The following RAD54L2 variants were observed in gnomAD, a reference collection of about 807,000 sequenced individuals.
RAD54L2 encodes the protein helicase ARIP4.
Under a neutral mutation model 138.4 loss-of-function variants are expected in RAD54L2, and 27 were observed. The observed-to-expected ratio is 0.20, with a 90% confidence interval of 0.14 to 0.27. The LOEUF is 0.27. RAD54L2 is among the 10% of genes least tolerant of loss of function. The pLI is 1.00. For synonymous variants in RAD54L2, 644 were observed against 723.2 expected (o/e 0.89, Z 1.76); for missense variants, 1,396 against 1,890.2 (o/e 0.74, Z 4.85).
rs74933324 is a variant in RAD54L2, at chr3:51,656,384, G to T, written c.3226+214G>T. Among the ~76,000 whole-genome samples the T allele has an allele frequency of 8.1e-3, 1,241 of 152,306 alleles. 10 individuals carry two copies. The highest frequency in any genetic ancestry group is 0.02 in the Middle Eastern group (6 of 294). ...AACAACACATAACTGGGTTTTCTTG[G>T]GTTTGGTGGGTGAGATAGACTCTGA... On this transcript the variant is annotated intron_variant, in intron 20 of 22. Transcript: ENST00000684192.
At chr3:51,576,835 G>A (rs1181334743) in intron 2 of RAD54L2, among the ~76,000 whole-genome samples, 2 of 151,680 alleles carry the variant, frequency 1.3e-5, no homozygotes, top group Admixed American at 6.6e-5. Flanking sequence ...AGGGTTTTTT[G>A]TGTCTCTATT....
chr3:51,560,797 C>A (rs1444864515), intron 2 of RAD54L2, among the ~76,000 whole-genome samples: 1 of 152,088 alleles, frequency 6.6e-6, no homozygotes, highest in Non-Finnish European at 1.5e-5. Flanking sequence ...GTGCTAAATA[C>A]TGAGCCAGGT....
chr3:51,591,570 CCT>C (rs1281586387), intron 3 of RAD54L2, among the ~76,000 whole-genome samples: 1 of 152,198 alleles, frequency 6.6e-6, no homozygotes, highest in Admixed American at 6.6e-5. Flanking sequence ...TGTCCAGAAG[CCT>C]CTCTCCATTT....
chr3:51,599,294 A>G (rs1175502775), intron 3 of RAD54L2, among the ~76,000 whole-genome samples: 1 of 152,154 alleles, frequency 6.6e-6, no homozygotes, highest in Non-Finnish European at 1.5e-5. Context: ...GAGAGAATAC[A>G]TCATGTGATT....
At chr3:51,660,255 GA>G (rs1701728072) in intron 22 of RAD54L2, 137 bp downstream of exon 22, 1 of 599,146 alleles carries the variant, frequency 1.7e-6, no homozygotes, top group Non-Finnish European at 2.8e-6. Context: ...GAGGTAAAGT[GA>G]AAAGTAAGTA....
intron 3 of RAD54L2, among the ~76,000 whole-genome samples, chr3:51,595,829 A>G (rs1427492331): frequency 6.6e-6 from 1 of 151,934 alleles, no homozygotes; most frequent in African/African-American, 2.4e-5. Context: ...TTGGGTGTTA[A>G]CACGTTTAGG....
intron 2 of RAD54L2, among the ~76,000 whole-genome samples, chr3:51,588,997 C>T (rs974928129): frequency 1.3e-5 from 2 of 152,114 alleles, no homozygotes; most frequent in Non-Finnish European, 2.9e-5. Context: ...CTAGCAGCTC[C>T]TCCTGCCACA....
At chr3:51,607,711 CGG>C (rs1700222188) in intron 3 of RAD54L2, among the ~76,000 whole-genome samples, 1 of 146,122 alleles carries the variant, frequency 6.8e-6, no homozygotes, top group Non-Finnish European at 1.5e-5. Context: ...ACCTCCCAGA[CGG>C]GGCGGCGGCC....
chr3:51,665,970 A>G lies in RAD54L2; in HGVS notation c.*2550A>G, dbSNP rs1701901372. On this transcript the variant is annotated 3_prime_UTR_variant, in exon 23 of 23. Coordinates refer to ENST00000684192, the MANE Select transcript of RAD54L2 (RefSeq NM_015106.4). ...GGCTTTTGAAGTTGACAGAAAGTAA[A>G]TGGGTATTCTGAGAGGCAGCACATG... 1 of 152,118 alleles carries G rather than the reference A, an allele frequency of 6.6e-6. No homozygotes were observed. The highest frequency in any genetic ancestry group is 2.1e-4 in the South Asian group (1 of 4,818). 9.4% of individuals were successfully genotyped at this position (152,118 alleles called of 1,614,324 possible).
rs375223018 is a variant in RAD54L2, at chr3:51,657,964, C to T, written c.3316+295C>T. On this transcript the variant is annotated intron_variant, in intron 21 of 22. Coordinates refer to ENST00000684192, the MANE Select transcript of RAD54L2 (RefSeq NM_015106.4). ...TTTTTGAGATGGAGTCTTGCTCTGT[C>T]GCCAGGCTGGAGTGCAGTTGCGTGA... Among the ~76,000 whole-genome samples the T allele has an allele frequency of 2.1e-3, 238 of 114,242 alleles. 5 individuals carry two copies. In the South Asian group the frequency reaches 0.068, roughly 32 times the overall value. 74.9% of individuals were successfully genotyped at this position (114,242 alleles called of 152,430 possible).
rs936942213 is a variant in RAD54L2, at chr3:51,668,422, G to C, written c.*5002G>C. On this transcript the variant is annotated 3_prime_UTR_variant, in exon 23 of 23. Transcript: ENST00000684192. The stretch of plus-strand genomic sequence containing the variant: ...AGGCCTGGGACCTGTGCCTGGCTTC[G>C]AGGAGCATCTGTGGCTGGGTGATCC... The C allele has an allele frequency of 1.3e-5, 2 of 152,188 alleles. No homozygotes were observed. Among genetic ancestry groups the C allele is most frequent in the Admixed American group, 6.5e-5 (1 of 15,288 alleles). 9.4% of individuals were successfully genotyped at this position (152,188 alleles called of 1,614,324 possible). A position where few individuals can be genotyped will look rare whatever the true frequency, so the allele number is the denominator to read the frequency against.
Position 51,657,563 on chromosome 3 carries a change from A to T in RAD54L2, c.3227-17A>T, listed in dbSNP as rs1217905170. On this transcript the variant is annotated splice_polypyrimidine_tract_variant and intron_variant, in intron 20 of 22. Coordinates refer to ENST00000684192, the MANE Select transcript of RAD54L2 (RefSeq NM_015106.4). ...AGGCCCCGTGCAATCTAAATTTAAGATCTGTGTTTTTCCTAGATATTGTTA... is the reference window on the plus strand; with the variant it reads ...AGGCCCCGTGCAATCTAAATTTAAGTTCTGTGTTTTTCCTAGATATTGTTA... The T allele has an allele frequency of 6.7e-7, 1 of 1,503,012 alleles. No homozygotes were observed. The highest frequency in any genetic ancestry group is 9.1e-7 in the Non-Finnish European group (1 of 1,098,978). 93.1% of individuals were successfully genotyped at this position (1,503,012 alleles called of 1,614,324 possible). A position where few individuals can be genotyped will look rare whatever the true frequency, so the allele number is the denominator to read the frequency against.
chr3:51,607,433 T>C (rs1207610759), intron 3 of RAD54L2, among the ~76,000 whole-genome samples: 1 of 152,238 alleles, frequency 6.6e-6, no homozygotes, highest in Non-Finnish European at 1.5e-5. Context: ...GGTAAGGTTA[T>C]AGATCAACAG....
chr3:51,639,166 T>G (rs1191192814), intron 12 of RAD54L2: 5 of 499,008 alleles, frequency 1.0e-5, no homozygotes, highest in Non-Finnish European at 1.8e-5. Flanking sequence ...GCTTTTTTGA[T>G]TATGTATCAA....
In RAD54L2 at chr3:51,657,670, G is replaced by T. The variant is rs1436863622; in HGVS notation, c.3316+1G>T. On this transcript the variant is annotated splice_donor_variant, in intron 21 of 22. Transcript: ENST00000684192. LOFTEE classifies it high-confidence loss of function. ...ATCCACATCATCCGTGGGACAAAAG[G>T]TAAGAGCCTGACCAAGGACCTGTTC... is the stretch of plus-strand genomic sequence containing the variant. The T allele has an allele frequency of 6.4e-7, 1 of 1,554,688 alleles. No homozygotes were observed. Among genetic ancestry groups the T allele is most frequent in the Admixed American group, 1.9e-5 (1 of 53,186 alleles).
intron 2 of RAD54L2, among the ~76,000 whole-genome samples, chr3:51,561,741 A>AT (rs1038311260): frequency 3.3e-5 from 5 of 149,856 alleles, no homozygotes; most frequent in Non-Finnish European, 5.9e-5. Flanking sequence ...ATTTTATTTT[A>AT]TTTTTTGTTC....
At chr3:51,566,730 C>T (rs1176679244) in intron 2 of RAD54L2, among the ~76,000 whole-genome samples, 1 of 151,972 alleles carries the variant, frequency 6.6e-6, no homozygotes, top group Non-Finnish European at 1.5e-5. Context: ...AAGGCTTTAT[C>T]TGTGGGAATC....
rs754774276 is a variant in RAD54L2, at chr3:51,660,048, T to C, written c.3339T>C (p.Asp1113=). The C allele has an allele frequency of 2.8e-5, 44 of 1,595,648 alleles. No individual in the cohort carries two copies. Among genetic ancestry groups the C allele is most frequent in the Middle Eastern group, 1.7e-4 (1 of 6,044 alleles). Residue 1113 remains aspartate (D), a synonymous_variant, in exon 22 of 23, where the codon GAT becomes GAC. Transcript: ENST00000684192. ...TAGGGACGTACATCCGTACCAGTGA[T>C]GGACGGATCTTTGCTGTCCGGGCAA... The part of the protein sequence containing the change: ...GTKGTYIRTS[D]GRIFAVRATG...
chr3:51,597,967 A>AC lies in RAD54L2; in HGVS notation c.139+7408_139+7409insC, dbSNP rs1455101729. On this transcript the variant is annotated intron_variant, in intron 3 of 22. Coordinates refer to ENST00000684192, the MANE Select transcript of RAD54L2 (RefSeq NM_015106.4). Reference sequence around the variant, plus strand: ...AGACTTTGTCTCAAAAAAAAAAAAAAAAGAATGAATATCAAAATAATTATG... The same window carrying AC: ...AGACTTTGTCTCAAAAAAAAAAAAAACAAGAATGAATATCAAAATAATTATG... Among the ~76,000 whole-genome samples, 4 of 151,592 alleles carry AC rather than the reference A, an allele frequency of 2.6e-5. No individual in the cohort carries two copies. The East Asian group carries it at 7.7e-4, about 29-fold the overall frequency.
Sources: gnomAD v4.1 joint callset for allele counts (sites outside exome capture counted in the v4.1 genomes callset) on GRCh38, gnomAD v4.1.1 for gene constraint, MANE v1.5 for transcripts, NCBI Gene and HGNC (gene_info 2026-07-23, HGNC 2026-07-21) for gene names.